Variants in NSD1 observed in about 807,000 individuals in gnomAD.
The protein encoded by NSD1 is histone-lysine N-methyltransferase, H3 lysine-36 specific.
A neutral mutation model predicts 242.7 loss-of-function variants in NSD1; 26 were observed. The observed-to-expected ratio is 0.11, with a 90% CI of 0.08 to 0.15. NSD1 has a LOEUF of 0.15. Ranked by LOEUF, NSD1 falls within the 10% of genes least tolerant of loss-of-function variation. NSD1 has a pLI of 1.00. For synonymous variants in NSD1, 1,106 were observed against 1,178.1 expected, an observed-to-expected ratio of 0.94 and a Z score of 1.25; for missense variants, 2,495 against 3,272.8, an observed-to-expected ratio of 0.76 and a Z score of 5.80.
At chr5:177,139,800 G>A (rs1281496012) in intron 2 of NSD1, among the ~76,000 whole-genome samples, 1 of 152,000 alleles carries the variant, frequency 6.6e-6, no homozygotes, top group Non-Finnish European at 1.5e-5. Context: ...ACACTCAGTT[G>A]GTTGTGGTGG....
At chr5:177,220,297 T>A (rs182534658) in intron 5 of NSD1, among the ~76,000 whole-genome samples, 1 of 152,190 alleles carries the variant, frequency 6.6e-6, no homozygotes, top group Non-Finnish European at 1.5e-5. Context: ...TGTGTTCCTT[T>A]GTCTCTTGTG....
At chr5:177,150,548 T>TATTTAGTGTATTTTAGTGTATTTAGAAG (rs771393621) in intron 2 of NSD1, among the ~76,000 whole-genome samples, 2,708 of 152,198 alleles carry the variant, frequency 0.018, 32 homozygotes, top group Non-Finnish European at 0.028. Context: ...TTTTTTGCTG[T>TATTTAGTGTATTTTAGTGTATTTAGAAG]TATTATTAAT....
chr5:177,223,545 C>T (rs1012615814), intron 5 of NSD1, among the ~76,000 whole-genome samples: 3 of 151,854 alleles, frequency 2.0e-5, no homozygotes, highest in African/African-American at 7.3e-5. Flanking sequence ...AGCACTCTAC[C>T]CTGGGCGACA....
chr5:177,236,021 C>T, intron 6 of NSD1, 76 bp downstream of exon 6: 1 of 1,473,870 alleles, frequency 6.8e-7, no homozygotes, highest in African/African-American at 1.4e-5. Context: ...CATACTTTAT[C>T]TTCATGAAAC....
chr5:177,177,198 G>A (rs918687300), intron 2 of NSD1, among the ~76,000 whole-genome samples: 2 of 152,062 alleles, frequency 1.3e-5, no homozygotes, highest in Non-Finnish European at 2.9e-5. Context: ...GGATCCTTCA[G>A]TAAAGTGAGA....
rs192171434 is a variant in NSD1 at position 177,284,561 on chromosome 5, A to G, written c.6151+633A>G. On this transcript the variant is annotated intron_variant, in intron 20 of 22. Transcript: ENST00000439151. ...CCTCAGCCTCCCAAGTGCTGGGATTACAGGCATGAGCCACCTCGCTTAGCT... is the reference window on the plus strand; with the variant it reads ...CCTCAGCCTCCCAAGTGCTGGGATTGCAGGCATGAGCCACCTCGCTTAGCT... Among the ~76,000 whole-genome samples, 45 of 152,294 alleles carry G rather than the reference A, an allele frequency of 3.0e-4. 1 individual carries two copies. In the East Asian group the frequency reaches 6.8e-3, roughly 23 times the overall value.
chr5:177,166,053 G>A (rs952592544), intron 2 of NSD1, among the ~76,000 whole-genome samples: 2 of 151,890 alleles, frequency 1.3e-5, no homozygotes, highest in Non-Finnish European at 2.9e-5. Flanking sequence ...GGGATTACAG[G>A]CACGTGCTGC....
intron 2 of NSD1, among the ~76,000 whole-genome samples, chr5:177,174,372 C>T (rs1323565463): frequency 6.6e-6 from 1 of 152,012 alleles, no homozygotes; most frequent in African/African-American, 2.4e-5. Flanking sequence ...GCCACCTTGC[C>T]AAGCTAATTT....
chr5:177,237,494 A>G (rs1765539636), intron 6 of NSD1, among the ~76,000 whole-genome samples: 1 of 142,990 alleles, frequency 7.0e-6, no homozygotes, highest in East Asian at 1.9e-4. Context: ...TTTGGTTAAA[A>G]AAATATATAT....
chr5:177,152,321 GTA>G (rs778103906), intron 2 of NSD1, among the ~76,000 whole-genome samples: 3,830 of 86,828 alleles, frequency 0.044, 175 homozygotes, highest in African/African-American at 0.18. Context: ...GTGTGTGTGT[GTA>G]TGTATGTATG....
At chr5:177,266,038 G>A (rs1757416341) in intron 14 of NSD1, 1 of 1,059,756 alleles carries the variant, frequency 9.4e-7, no homozygotes, top group East Asian at 2.4e-5. Flanking sequence ...AGCCATAAAC[G>A]TTCTCCCACC....
chr5:177,283,733 A>G, intron 19 of NSD1, 54 bp from the exon 20 acceptor site: 5 of 1,593,720 alleles, frequency 3.1e-6, no homozygotes, highest in Non-Finnish European at 4.3e-6. Context: ...TCAAATTTTA[A>G]TCCACAGCAG....
chr5:177,135,023 A>C (rs1581088746), intron 1 of NSD1, 64 bp from the exon 2 acceptor site: 2 of 1,452,544 alleles, frequency 1.4e-6, no homozygotes, highest in East Asian at 4.5e-5. Flanking sequence ...AGTGGCTGCC[A>C]TTTTAAAGAG....
chr5:177,211,580 A>C lies in NSD1; in HGVS notation c.3181A>C (p.Ser1061Arg). ...ERKRKLNQLP[S>R]VTLDAVLQGD... ...CAAAAGAAAACTGAATCAGCTTCCA[A>C]GTGTGACTCTTGATGCTGTACTGCA... The change falls in exon 5 of 23, where the codon AGT (serine) becomes CGT (arginine). Residue 1061 changes from serine to arginine, a missense_variant. Physicochemically the swap from Ser to Arg is moderately radical, Grantham distance 110 (BLOSUM62 -1). Coordinates refer to ENST00000439151, the MANE Select transcript of NSD1 (RefSeq NM_022455.5). 1.2e-6 allele frequency: 2 copies of C among 1,614,138 alleles called. No individual in the cohort carries two copies. Among genetic ancestry groups the C allele is most frequent in the Non-Finnish European group, 1.7e-6 (2 of 1,180,026 alleles).
intron 2 of NSD1, among the ~76,000 whole-genome samples, chr5:177,177,069 C>A (rs1760265801): frequency 6.6e-6 from 1 of 152,158 alleles, no homozygotes; most frequent in South Asian, 2.1e-4. Context: ...GTGCTATGCA[C>A]TGTTTTGTTT....
At position 177,157,332 on chromosome 5, in the gene NSD1, C is replaced by T. The variant is rs574605893; in HGVS notation, c.927+21302C>T. 1.9e-4 allele frequency among the ~76,000 whole-genome samples: 29 copies of T among 152,126 alleles called. No homozygotes were observed. The South Asian group carries it at 6.0e-3, about 32-fold the overall frequency. On this transcript the variant is annotated intron_variant, in intron 2 of 22. Transcript: ENST00000439151. ...GGTGAGCGGAGATCGTGCTGTTGCACTCCAGCCTGGGCAACAAGAGCGAAA... is the reference window on the plus strand; with the variant it reads ...GGTGAGCGGAGATCGTGCTGTTGCATTCCAGCCTGGGCAACAAGAGCGAAA...
In NSD1 at chr5:177,135,865, C is replaced by G. The variant is rs1444633192; in HGVS notation, c.762C>G (p.Leu254=). 6.8e-6 allele frequency: 11 copies of G among 1,606,692 alleles called. No homozygotes were observed. The highest frequency in any genetic ancestry group is 9.4e-6 in the Non-Finnish European group (11 of 1,174,398). ...GCAGCAATGAAAAAGCAGCCCTTCT[C>G]CCAGCCCCCTTTTCACTAGGAGACA... ...VDGSNEKAAL[L]PAPFSLGDTN... is the part of the protein sequence containing the mutation. The change falls in exon 2 of 23, where the codon CTC becomes CTG. Residue 254 remains leucine, a synonymous_variant. Coordinates refer to ENST00000439151, the MANE Select transcript of NSD1 (RefSeq NM_022455.5).
chr5:177,183,431 T>C, intron 2 of NSD1, among the ~76,000 whole-genome samples: 1 of 152,170 alleles, frequency 6.6e-6, no homozygotes, highest in East Asian at 1.9e-4. Context: ...TATTCTTGGG[T>C]ATTGTATACC....
rs1760306786 is a variant in NSD1 at position 177,297,156 on chromosome 5, A to C, written c.*1697A>C. The C allele has an allele frequency of 4.3e-6, 1 of 232,830 alleles. No individual in the cohort carries two copies. The highest frequency in any genetic ancestry group is 8.5e-6 in the Non-Finnish European group (1 of 117,828). 14.4% of individuals were successfully genotyped at this position (232,830 alleles called of 1,614,324 possible). On this transcript the variant is annotated 3_prime_UTR_variant, in exon 23 of 23. Transcript: ENST00000439151. ...GAGGTTGAGACACTTGAACTCAGGC[A>C]GAGGGACGAGGCTGGGCAGGGCTGT...
Sources: allele counts gnomAD v4.1 joint callset (sites outside exome capture counted in the v4.1 genomes callset), GRCh38; gene constraint gnomAD v4.1.1; transcripts MANE v1.5; gene names NCBI Gene and HGNC (gene_info 2026-07-23, HGNC 2026-07-21).